Variants in SYN3 observed in about 807,000 individuals in gnomAD.
SYN3 encodes synapsin III.
SYN3 carries 35 observed loss-of-function variants against 65.8 expected under a neutral mutation model. That is an observed-to-expected ratio of 0.53 (90% CI 0.41 to 0.70). The LOEUF is 0.70. Ranked by LOEUF, SYN3 falls within the 30% of genes least tolerant of loss-of-function variation. SYN3 has a pLI of 0.00. For synonymous variants in SYN3, 270 were observed against 292.9 expected, an observed-to-expected ratio of 0.92 and a Z score of 0.80; for missense variants, 680 against 749.0, an observed-to-expected ratio of 0.91 and a Z score of 1.08.
At chr22:33,017,376 G>T (rs2053485180) in intron 1 of SYN3, among the ~76,000 whole-genome samples, 1 of 152,054 alleles carries the variant, frequency 6.6e-6, no homozygotes, top group Non-Finnish European at 1.5e-5. Flanking sequence ...ATTCTTTTGT[G>T]GTTCTATACA....
rs190652745 is a variant in SYN3, at chr22:33,036,110, C to T, written c.-163+22182G>A. On this transcript the variant is annotated intron_variant, in intron 1 of 13. Coordinates refer to ENST00000358763, the MANE Select transcript of SYN3 (RefSeq NM_003490.4). ...ACAAGAGTATAAGCATTTGCCTTACCGCCTACCTGCCCCTCTTCCTACATG... is the reference window on the plus strand; with the variant it reads ...ACAAGAGTATAAGCATTTGCCTTACTGCCTACCTGCCCCTCTTCCTACATG... Among the ~76,000 whole-genome samples, 27 of 152,222 alleles carry T rather than the reference C, an allele frequency of 1.8e-4. No individual in the cohort carries two copies. The East Asian group carries it at 3.5e-3, about 20-fold the overall frequency.
At position 32,763,243 on chromosome 22, in the gene SYN3, T is replaced by A. The variant is rs180680958; in HGVS notation, c.711+101672A>T. On this transcript the variant is annotated intron_variant, in intron 6 of 13. Transcript: ENST00000358763. ...CTCACTGCAAGCTCCGCCTCCCGGG[T>A]TCACGCCATTCTCCTGCCTCAGCTT... Among the ~76,000 whole-genome samples, 57 of 152,064 alleles carry A rather than the reference T, an allele frequency of 3.7e-4. No homozygotes were observed. The East Asian group carries it at 0.011, about 28-fold the overall frequency.
intron 6 of SYN3, among the ~76,000 whole-genome samples, chr22:32,616,620 G>A (rs2059524230): frequency 6.6e-6 from 1 of 151,592 alleles, no homozygotes; most frequent in Non-Finnish European, 1.5e-5. Flanking sequence ...ATCCATGCTT[G>A]GGGACCAGAT....
At chr22:32,577,767 G>C (rs1341413487) in intron 7 of SYN3, among the ~76,000 whole-genome samples, 1 of 152,066 alleles carries the variant, frequency 6.6e-6, no homozygotes, top group African/African-American at 2.4e-5. Context: ...CCCTGTTCCT[G>C]CCCCAGGGCC....
At chr22:32,702,737 G>A (rs1372852603) in intron 6 of SYN3, among the ~76,000 whole-genome samples, 1 of 151,052 alleles carries the variant, frequency 6.6e-6, no homozygotes. Context: ...ATTAAAATTA[G>A]AAAAAAAAAT....
chr22:32,639,920 T>G (rs979541068), intron 6 of SYN3, among the ~76,000 whole-genome samples: 3 of 152,230 alleles, frequency 2.0e-5, no homozygotes, highest in African/African-American at 4.8e-5. Context: ...GGCTATTGGA[T>G]GTTATAAAGT....
chr22:32,852,761 G>T (rs765457245), intron 6 of SYN3, among the ~76,000 whole-genome samples: 1 of 152,144 alleles, frequency 6.6e-6, no homozygotes, highest in African/African-American at 2.4e-5. Flanking sequence ...GAGGGAGCAG[G>T]GTGTTAGAAT....
At chr22:32,621,667 G>A (rs950814898) in intron 6 of SYN3, among the ~76,000 whole-genome samples, 3 of 152,174 alleles carry the variant, frequency 2.0e-5, no homozygotes, top group African/African-American at 7.2e-5. Context: ...CTTACAGGGG[G>A]TGCCTTTTAC....
chr22:33,019,097 C>G (rs577216356), intron 1 of SYN3, among the ~76,000 whole-genome samples: 8 of 152,184 alleles, frequency 5.3e-5, no homozygotes, highest in Non-Finnish European at 1.0e-4. Flanking sequence ...GCTTTCCAAA[C>G]TACAACCCTA....
chr22:32,726,878 A>G (rs906979072), intron 6 of SYN3, among the ~76,000 whole-genome samples: 2 of 151,926 alleles, frequency 1.3e-5, no homozygotes, highest in African/African-American at 4.8e-5. Context: ...TCAACAAAGC[A>G]CCCAGAAGAT....
At chr22:32,825,968 T>G (rs1331806005) in intron 6 of SYN3, among the ~76,000 whole-genome samples, 1 of 152,328 alleles carries the variant, frequency 6.6e-6, no homozygotes, top group East Asian at 1.9e-4. Context: ...CACAAGTTTA[T>G]AGTAGCATAG....
intron 6 of SYN3, among the ~76,000 whole-genome samples, chr22:32,799,241 T>C (rs1369230928): frequency 6.6e-6 from 1 of 152,080 alleles, no homozygotes; most frequent in Non-Finnish European, 1.5e-5. Flanking sequence ...CTGACTCAGG[T>C]TTGGAATAAG....
rs1265691036 is a variant in SYN3, at chr22:32,671,780, C to A, written c.712-75044G>T. 5.3e-5 allele frequency among the ~76,000 whole-genome samples: 8 copies of A among 151,524 alleles called. No individual in the cohort carries two copies. The East Asian group carries it at 7.7e-4, about 15-fold the overall frequency. ...ACACACACTGTCACACAGGTGCACA[C>A]ACACATGCTCTCACACAGGTACACA... is the stretch of plus-strand genomic sequence containing the variant. On this transcript the variant is annotated intron_variant, in intron 6 of 13. Coordinates refer to ENST00000358763, the MANE Select transcript of SYN3 (RefSeq NM_003490.4).
chr22:32,762,934 C>T (rs908202686), intron 6 of SYN3, among the ~76,000 whole-genome samples: 7 of 152,296 alleles, frequency 4.6e-5, no homozygotes, highest in African/African-American at 1.4e-4. Flanking sequence ...TTACTCTAGA[C>T]ACTTAGGAGC....
intron 6 of SYN3, among the ~76,000 whole-genome samples, chr22:32,807,290 G>C (rs1446552838): frequency 7.8e-6 from 1 of 127,538 alleles, no homozygotes; most frequent in African/African-American, 2.9e-5. Context: ...TGATGGTTTG[G>C]AGGATATATA....
At chr22:32,706,138 C>T (rs1173090729) in intron 6 of SYN3, among the ~76,000 whole-genome samples, 1 of 152,106 alleles carries the variant, frequency 6.6e-6, no homozygotes, top group Non-Finnish European at 1.5e-5. Flanking sequence ...TGTCTTTTGC[C>T]GGTTTTCAAG....
intron 6 of SYN3, among the ~76,000 whole-genome samples, chr22:32,734,869 A>T (rs114714837): frequency 6.6e-6 from 1 of 152,056 alleles, no homozygotes; most frequent in African/African-American, 2.4e-5. Flanking sequence ...CCCCAATTCA[A>T]TGTTGCTTCT....
intron 7 of SYN3, among the ~76,000 whole-genome samples, chr22:32,574,414 G>C (rs1043011184): frequency 6.6e-6 from 1 of 152,100 alleles, no homozygotes; most frequent in African/African-American, 2.4e-5. Flanking sequence ...AGGAGTTTGA[G>C]GCTACAGTGA....
chr22:32,952,751 T>G (rs1022363860), intron 3 of SYN3, among the ~76,000 whole-genome samples: 2 of 152,006 alleles, frequency 1.3e-5, no homozygotes, highest in Admixed American at 6.6e-5. Context: ...CAAAACCCTA[T>G]CTCAAATAAA....
Sources: gnomAD v4.1 joint callset for allele counts (sites outside exome capture counted in the v4.1 genomes callset) on GRCh38, gnomAD v4.1.1 for gene constraint, MANE v1.5 for transcripts, NCBI Gene and HGNC (gene_info 2026-07-23, HGNC 2026-07-21) for gene names.